The following ITGAV variants were observed in gnomAD, a reference collection of about 807,000 sequenced individuals.
ITGAV encodes the protein integrin subunit alpha V.
Under a neutral mutation model 143.8 loss-of-function variants are expected in ITGAV, and 76 were observed. The observed-to-expected ratio is 0.53, with a 90% CI of 0.44 to 0.64. The LOEUF is 0.64. Among genes scored for constraint, ITGAV ranks in the 30% least tolerant of loss-of-function variants. The pLI, the probability that ITGAV is intolerant of heterozygous loss-of-function variation, is 0.00. For missense variants in ITGAV, 1,193 were observed against 1,274.7 expected, an observed-to-expected ratio of 0.94 and a Z score of 0.98; for synonymous variants, 453 against 446.7, an observed-to-expected ratio of 1.01 and a Z score of -0.18.
intron 2 of ITGAV, among the ~76,000 whole-genome samples, chr2:186,604,291 C>A (rs1686996674): frequency 6.6e-6 from 1 of 151,806 alleles, no homozygotes; most frequent in South Asian, 2.1e-4. Flanking sequence ...ACCGTTCTAA[C>A]AATAGAAATC....
intron 13 of ITGAV, among the ~76,000 whole-genome samples, chr2:186,648,948 T>A (rs1305989045): frequency 4.7e-5 from 7 of 148,336 alleles, no homozygotes; most frequent in Non-Finnish European, 1.0e-4. Context: ...ATATATACAT[T>A]TGTGTGTATA....
chr2:186,646,792 A>G lies in ITGAV; in HGVS notation c.1266A>G (p.Glu422=). 1 of 1,613,514 alleles carries G rather than the reference A, an allele frequency of 6.2e-7. No homozygotes were observed. Among genetic ancestry groups the G allele is most frequent in the South Asian group, 1.1e-5 (1 of 90,940 alleles). ...GLNAVPSQIL[E]GQWAARSMPP... ...ACGCAGTCCCATCTCAAATCCTTGA[A>G]GGGCAGTGGGCTGCTCGAAGCATGC... The change falls in exon 13 of 30, where the codon GAA becomes GAG. Residue 422 remains glutamate, a synonymous_variant. Transcript: ENST00000261023.
At chr2:186,617,638 A>G (rs1687402108) in intron 2 of ITGAV, among the ~76,000 whole-genome samples, 1 of 152,252 alleles carries the variant, frequency 6.6e-6, no homozygotes, top group Admixed American at 6.5e-5. Flanking sequence ...TATATAATAC[A>G]GAGCAATTTC....
chr2:186,638,186 A>G lies in ITGAV; in HGVS notation c.803-91A>G, dbSNP rs565986069. 9.1e-5 allele frequency: 103 copies of G among 1,136,382 alleles called. No individual in the cohort carries two copies. In the African/African-American group the frequency reaches 1.5e-3, roughly 16 times the overall value. 70.4% of individuals were successfully genotyped at this position (1,136,382 alleles called of 1,614,324 possible). A position where few individuals can be genotyped will look rare whatever the true frequency, so the allele number is the denominator to read the frequency against. On this transcript the variant is annotated intron_variant, in intron 8 of 29. Coordinates refer to ENST00000261023, the MANE Select transcript of ITGAV (RefSeq NM_002210.5). ...TTGTTTGTTTTGAACTGAAGTAGTAAAACTTAAAGCTTGCTGACATAGTCA... is the reference window on the plus strand; with the variant it reads ...TTGTTTGTTTTGAACTGAAGTAGTAGAACTTAAAGCTTGCTGACATAGTCA...
rs201679057 is a variant in ITGAV at position 186,590,288 on chromosome 2, G to T, written c.-51G>T. On this transcript the variant is annotated 5_prime_UTR_variant, in exon 1 of 30. Coordinates refer to ENST00000261023, the MANE Select transcript of ITGAV (RefSeq NM_002210.5). ...CGGGCACTGGGCGCCTCGCTGGGGC[G>T]GGGGGAGGTGGCTACCGCTCCCGGC... 7 of 1,415,882 alleles carry T rather than the reference G, an allele frequency of 4.9e-6. No individual in the cohort carries two copies. The highest frequency in any genetic ancestry group is 3.0e-5 in the African/African-American group (2 of 66,866). 87.7% of individuals were successfully genotyped at this position (1,415,882 alleles called of 1,614,324 possible). A position where few individuals can be genotyped will look rare whatever the true frequency, so the allele number is the denominator to read the frequency against.
Position 186,603,818 on chromosome 2 carries a change from A to G in ITGAV, c.316+1667A>G, listed in dbSNP as rs965637910. On this transcript the variant is annotated intron_variant, in intron 2 of 29. Coordinates refer to ENST00000261023, the MANE Select transcript of ITGAV (RefSeq NM_002210.5). The stretch of plus-strand genomic sequence containing the variant: ...AATTTTAAAGAGTCTCAAAGGGTGT[A>G]CAATGAAACATACAACTCACATCAG... Among the ~76,000 whole-genome samples the G allele has an allele frequency of 3.9e-5, 6 of 152,242 alleles. 1 individual carries two copies. In the South Asian group the frequency reaches 8.3e-4, roughly 21 times the overall value.
At chr2:186,615,851 G>T (rs180701826) in intron 2 of ITGAV, among the ~76,000 whole-genome samples, 45 of 151,734 alleles carry the variant, frequency 3.0e-4, no homozygotes, top group Admixed American at 2.6e-3. Flanking sequence ...TTATGCTTTT[G>T]GTTTTCTAAA....
chr2:186,635,258 G>A (rs919421350), intron 6 of ITGAV, among the ~76,000 whole-genome samples: 6 of 152,126 alleles, frequency 3.9e-5, no homozygotes, highest in East Asian at 3.9e-4. Context: ...CAGAATTGTC[G>A]TTGTTAGAAT....
chr2:186,636,328 C>A (rs1687945574), intron 7 of ITGAV, 121 bp downstream of exon 7: 1 of 747,848 alleles, frequency 1.3e-6, no homozygotes, highest in Non-Finnish European at 2.1e-6. Context: ...TTGAAACATA[C>A]AGAATATACA....
intron 20 of ITGAV, 143 bp downstream of exon 20, chr2:186,664,784 T>G (rs1312464857): frequency 1.0e-6 from 1 of 990,110 alleles, no homozygotes; most frequent in African/African-American, 1.6e-5. Flanking sequence ...CTATCTTACA[T>G]AATTCCTTTT....
intron 6 of ITGAV, among the ~76,000 whole-genome samples, chr2:186,634,018 ACT>A (rs1479747774): frequency 6.6e-6 from 1 of 152,046 alleles, no homozygotes; most frequent in Non-Finnish European, 1.5e-5. Flanking sequence ...GCAGAGTGAC[ACT>A]CTCTCTCAAA....
chr2:186,660,964 T>G (rs1239838081), intron 18 of ITGAV, among the ~76,000 whole-genome samples: 1 of 152,202 alleles, frequency 6.6e-6, no homozygotes, highest in African/African-American at 2.4e-5. Context: ...GGGCCCACCT[T>G]AAAGACGTTT....
At chr2:186,655,964 G>A (rs567401941) in intron 16 of ITGAV, among the ~76,000 whole-genome samples, 1 of 152,040 alleles carries the variant, frequency 6.6e-6, no homozygotes, top group African/African-American at 2.4e-5. Context: ...TAAATTAAAA[G>A]ATAGCATTTC....
chr2:186,601,887 C>A, intron 1 of ITGAV, 134 bp from the exon 2 acceptor site: 1 of 752,992 alleles, frequency 1.3e-6, no homozygotes, highest in Non-Finnish European at 2.0e-6. Flanking sequence ...GAAGATTATG[C>A]CCTCAGTGAA....
intron 10 of ITGAV, among the ~76,000 whole-genome samples, chr2:186,638,675 A>AT (rs1163017223): frequency 1.6e-5 from 2 of 122,578 alleles, no homozygotes; most frequent in African/African-American, 5.6e-5. Flanking sequence ...TGTGTGTAGT[A>AT]TATAAACAAA....
At chr2:186,673,234 A>T (rs150593566) in intron 26 of ITGAV, among the ~76,000 whole-genome samples, 1 of 152,240 alleles carries the variant, frequency 6.6e-6, no homozygotes, top group Admixed American at 6.5e-5. Flanking sequence ...TTATAAATAT[A>T]TGGATTTATT....
At chr2:186,635,237 T>C (rs1687918613) in intron 6 of ITGAV, among the ~76,000 whole-genome samples, 1 of 152,208 alleles carries the variant, frequency 6.6e-6, no homozygotes, top group Non-Finnish European at 1.5e-5. Context: ...AATGAATTTT[T>C]TCACAGATCT....
At position 186,666,788 on chromosome 2, in the gene ITGAV, GA is replaced by G. The variant is rs1314233009; in HGVS notation, c.2246+9del. On this transcript the variant is annotated splice_donor_region_variant and intron_variant, in intron 22 of 29. Coordinates refer to ENST00000261023, the MANE Select transcript of ITGAV (RefSeq NM_002210.5). ...ATTTGACTTACAAATCCAAAGGTAT[GA>G]AAACAACTTATATTCACTTATAACT... 6.7e-7 allele frequency: 1 copy of G among 1,489,232 alleles called. No homozygotes were observed. Among genetic ancestry groups the G allele is most frequent in the Admixed American group, 1.9e-5 (1 of 51,802 alleles). 92.3% of individuals were successfully genotyped at this position (1,489,232 alleles called of 1,614,324 possible). A position where few individuals can be genotyped will look rare whatever the true frequency, so the allele number is the denominator to read the frequency against.
rs185518475 is a variant in ITGAV, at chr2:186,644,191, G to A, written c.1160-2495G>A. 2.8e-4 allele frequency among the ~76,000 whole-genome samples: 43 copies of A among 152,270 alleles called. No homozygotes were observed. The East Asian group carries it at 6.9e-3, about 25-fold the overall frequency. ...ACTCCTGGGCTTAAGTGATCTGCCT[G>A]CCTCGGCCTCCAAAGGTGATAGGAT... is the stretch of plus-strand genomic sequence containing the variant. On this transcript the variant is annotated intron_variant, in intron 12 of 29. Transcript: ENST00000261023.
Sources: gnomAD v4.1 joint callset for allele counts (sites outside exome capture counted in the v4.1 genomes callset) on GRCh38, gnomAD v4.1.1 for gene constraint, MANE v1.5 for transcripts, NCBI Gene and HGNC (gene_info 2026-07-23, HGNC 2026-07-21) for gene names.